CCDC146: variants seen among roughly 807,000 people sequenced by gnomAD.
CCDC146 encodes the protein coiled-coil domain containing 146, also known as coiled-coil domain-containing protein 146.
Under a neutral mutation model 119.3 loss-of-function variants are expected in CCDC146, and 92 were observed. The observed-to-expected ratio is 0.77, with a 90% confidence interval of 0.65 to 0.92. The LOEUF is 0.92. Ranked by LOEUF, CCDC146 falls within the 40% of genes least tolerant of loss-of-function variation. The probability of loss-of-function intolerance (pLI) is 0.00; values close to 1 mark genes in which losing one functional copy is unlikely to be tolerated. For synonymous variants in CCDC146, 372 were observed against 371.8 expected, an observed-to-expected ratio of 1.00 and a Z score of -0.01; for missense variants, 1,000 against 1,103.0, an observed-to-expected ratio of 0.91 and a Z score of 1.32.
chr7:77,170,095 C>T (rs991283839), intron 2 of CCDC146, among the ~76,000 whole-genome samples: 4 of 152,044 alleles, frequency 2.6e-5, no homozygotes, highest in African/African-American at 9.7e-5. Context: ...GCCTAGTACC[C>T]GGTAGGTAGT....
intron 2 of CCDC146, among the ~76,000 whole-genome samples, chr7:77,207,938 C>G (rs929666985): frequency 1.3e-5 from 2 of 152,184 alleles, no homozygotes; most frequent in African/African-American, 4.8e-5. Flanking sequence ...TTCATTGATT[C>G]AACAAACACT....
Position 77,133,127 on chromosome 7 carries a change from C to T in CCDC146, c.-12+10395C>T, listed in dbSNP as rs188581357. 3.7e-3 allele frequency among the ~76,000 whole-genome samples: 569 copies of T among 151,882 alleles called. 3 individuals carry two copies. Among genetic ancestry groups the T allele is most frequent in the African/African-American group, 0.013 (556 of 41,392 alleles). Reference sequence around the variant, plus strand: ...CAGAGGTTGCGGTGAACCGAGATCACGCCACTGCACTCCAGCCTGAGTGAC... The same window carrying T: ...CAGAGGTTGCGGTGAACCGAGATCATGCCACTGCACTCCAGCCTGAGTGAC... On this transcript the variant is annotated intron_variant, in intron 1 of 18. Coordinates refer to ENST00000285871, the MANE Select transcript of CCDC146 (RefSeq NM_020879.3).
At chr7:77,279,609 G>C (rs1793725473) in intron 13 of CCDC146, among the ~76,000 whole-genome samples, 1 of 152,172 alleles carries the variant, frequency 6.6e-6, no homozygotes, top group Admixed American at 6.5e-5. Flanking sequence ...TGGTGAAAGA[G>C]GTGGTGTCCA....
chr7:77,174,927 T>G (rs1791479923), intron 2 of CCDC146, among the ~76,000 whole-genome samples: 1 of 152,178 alleles, frequency 6.6e-6, no homozygotes, highest in Non-Finnish European at 1.5e-5. Flanking sequence ...TCAGCTTTAG[T>G]AAAGACCTTC....
chr7:77,257,310 G>A (rs1161116241), intron 6 of CCDC146: 1 of 152,148 alleles, frequency 6.6e-6, no homozygotes, highest in Non-Finnish European at 1.5e-5. Flanking sequence ...TTTGAAAAAT[G>A]TATAAATGAC....
chr7:77,131,655 T>TTAAG (rs1393838558), intron 1 of CCDC146, among the ~76,000 whole-genome samples: 1 of 152,198 alleles, frequency 6.6e-6, no homozygotes, highest in Non-Finnish European at 1.5e-5. Context: ...GAGGTAGAGG[T>TTAAG]TGCAGTGAAC....
intron 2 of CCDC146, among the ~76,000 whole-genome samples, chr7:77,230,932 C>T (rs1024826742): frequency 6.6e-6 from 1 of 152,202 alleles, no homozygotes; most frequent in African/African-American, 2.4e-5. Flanking sequence ...TAGTCCCCCC[C>T]ACCATCTGCA....
intron 1 of CCDC146, among the ~76,000 whole-genome samples, chr7:77,138,082 G>T (rs764973028): frequency 6.6e-6 from 1 of 151,804 alleles, no homozygotes; most frequent in Admixed American, 6.6e-5. Context: ...GTATGGTGGA[G>T]ATAGAGAGGA....
chr7:77,216,026 G>GT (rs1792295956), intron 2 of CCDC146, among the ~76,000 whole-genome samples: 1 of 151,594 alleles, frequency 6.6e-6, no homozygotes. Context: ...CCCTTTTCCT[G>GT]TAACAACTCA....
chr7:77,290,934 T>C (rs953265420), intron 17 of CCDC146, among the ~76,000 whole-genome samples: 2 of 152,238 alleles, frequency 1.3e-5, no homozygotes, highest in Admixed American at 1.3e-4. Flanking sequence ...CTCATTTGCA[T>C]GTCCCAATTT....
chr7:77,281,315 T>G (rs1013516017), intron 14 of CCDC146, among the ~76,000 whole-genome samples: 3 of 152,242 alleles, frequency 2.0e-5, no homozygotes, highest in African/African-American at 4.8e-5. Flanking sequence ...TGTGGTAAGT[T>G]TGGTCTTATT....
chr7:77,269,127 CA>C (rs1275907056), intron 9 of CCDC146, among the ~76,000 whole-genome samples: 2 of 152,162 alleles, frequency 1.3e-5, no homozygotes, highest in Non-Finnish European at 2.9e-5. Flanking sequence ...CCTTCTAAAA[CA>C]GTCCTCTAAT....
intron 14 of CCDC146, among the ~76,000 whole-genome samples, chr7:77,280,971 T>G (rs184118926): frequency 6.6e-6 from 1 of 151,984 alleles, no homozygotes; most frequent in Admixed American, 6.6e-5. Flanking sequence ...GGTGTGGTGG[T>G]GGGGGCCTGT....
chr7:77,126,428 C>T (rs1790690393), intron 1 of CCDC146, among the ~76,000 whole-genome samples: 3 of 151,928 alleles, frequency 2.0e-5, no homozygotes, highest in Admixed American at 6.6e-5. Flanking sequence ...GAAGGGTGAA[C>T]GAGACGAAGA....
chr7:77,178,733 C>T (rs865806748), intron 2 of CCDC146, among the ~76,000 whole-genome samples: 16 of 152,174 alleles, frequency 1.1e-4, no homozygotes, highest in African/African-American at 2.2e-4. Flanking sequence ...AGTCGCTGAA[C>T]GGATGTTGCT....
intron 1 of CCDC146, among the ~76,000 whole-genome samples, chr7:77,150,783 G>A (rs115577221): frequency 8.7e-4 from 132 of 152,298 alleles, no homozygotes; most frequent in Middle Eastern, 3.4e-3. Flanking sequence ...ATTCATAGTA[G>A]CTAACAAACT....
intron 2 of CCDC146, among the ~76,000 whole-genome samples, chr7:77,185,888 A>G (rs1791659668): frequency 6.6e-6 from 1 of 152,218 alleles, no homozygotes; most frequent in African/African-American, 2.4e-5. Flanking sequence ...AAGAGATTGA[A>G]ATAATTAAGA....
intron 2 of CCDC146, among the ~76,000 whole-genome samples, chr7:77,204,500 A>G (rs1014088948): frequency 6.6e-6 from 1 of 152,242 alleles, no homozygotes; most frequent in African/African-American, 2.4e-5. Context: ...AAGATCTATT[A>G]TGGGAATCCT....
At chr7:77,184,643 T>G (rs1265195707) in intron 2 of CCDC146, among the ~76,000 whole-genome samples, 1 of 152,190 alleles carries the variant, frequency 6.6e-6, no homozygotes, top group Admixed American at 6.6e-5. Context: ...AAGCAGAATT[T>G]GTTCATCAGC....
Sources: gnomAD v4.1 joint callset for allele counts (sites outside exome capture counted in the v4.1 genomes callset) on GRCh38, gnomAD v4.1.1 for gene constraint, MANE v1.5 for transcripts, NCBI Gene and HGNC (gene_info 2026-07-23, HGNC 2026-07-21) for gene names.